Variants in ATF7IP observed in about 807,000 individuals in gnomAD.
ATF7IP encodes the protein activating transcription factor 7 interacting protein.
Under a neutral mutation model 106.4 loss-of-function variants are expected in ATF7IP, and 23 were observed. The ratio of observed to expected loss-of-function variants is 0.22; its 90% CI spans 0.16 to 0.31. The LOEUF (loss-of-function observed/expected upper bound fraction) is 0.31, where lower values mean the gene tolerates loss of function less well. Ranked by LOEUF, ATF7IP falls within the 10% of genes least tolerant of loss-of-function variation. ATF7IP has a pLI of 1.00. For missense variants in ATF7IP, 1,334 were observed against 1,524.3 expected (o/e 0.88, Z 2.08); for synonymous variants, 542 against 539.0 (o/e 1.01, Z -0.08).
At chr12:14,486,789 T>C (rs1026666528) in intron 13 of ATF7IP, among the ~76,000 whole-genome samples, 4 of 152,148 alleles carry the variant, frequency 2.6e-5, no homozygotes, top group African/African-American at 9.7e-5. Flanking sequence ...AGGATCCAGT[T>C]ATTTCCATTG....
Position 14,481,066 on chromosome 12 carries a change from C to G in ATF7IP, c.3161C>G (p.Pro1054Arg). 6.2e-7 allele frequency: 1 copy of G among 1,614,018 alleles called. No homozygotes were observed. Among genetic ancestry groups the G allele is most frequent in the Non-Finnish European group, 8.5e-7 (1 of 1,179,968 alleles). ...VTQVTTRLPVPRAPANHQVVY... is the reference protein window; with the variant it reads ...VTQVTTRLPVRRAPANHQVVY... ...CAGGTGACCACAAGACTCCCTGTAC[C>G]AAGAGCTCCTGCAAACCACCAGGTG... Residue 1054 changes from proline to arginine, a missense_variant, in exon 13 of 15, where the codon CCA (proline) becomes CGA (arginine). Transcript: ENST00000261168.
intron 2 of ATF7IP, among the ~76,000 whole-genome samples, chr12:14,430,542 A>G (rs1942064693): frequency 1.3e-5 from 2 of 152,216 alleles, no homozygotes; most frequent in African/African-American, 4.8e-5. Context: ...ATTACCAGTC[A>G]TGCCTTATTT....
rs1938333759 is a variant in ATF7IP at position 14,367,086 on chromosome 12, G to A, written c.-8+1259G>A. 1.3e-5 allele frequency among the ~76,000 whole-genome samples: 2 copies of A among 152,108 alleles called. 1 individual carries two copies. The highest frequency in any genetic ancestry group is 3.8e-4 in the East Asian group (2 of 5,196). On this transcript the variant is annotated intron_variant, in intron 1 of 14. Transcript: ENST00000261168. Reference sequence around the variant, plus strand: ...CGTTGTGCAAATTCTTTCTTACTAAGCAAAGAAACTTGCAAATGTTTTCCA... The same window carrying A: ...CGTTGTGCAAATTCTTTCTTACTAAACAAAGAAACTTGCAAATGTTTTCCA...
At chr12:14,475,769 T>A (rs1043663931) in intron 10 of ATF7IP, 121 bp from the exon 11 acceptor site, 45 of 657,062 alleles carry the variant, frequency 6.8e-5, no homozygotes, top group Non-Finnish European at 8.0e-5. Context: ...TACAGCCATT[T>A]AAGGGTCCAG....
intron 2 of ATF7IP, among the ~76,000 whole-genome samples, chr12:14,430,729 A>C (rs1942073741): frequency 6.6e-6 from 1 of 152,222 alleles, no homozygotes; most frequent in South Asian, 2.1e-4. Context: ...CAGTAATCTA[A>C]ATCAGTGAAT....
chr12:14,457,011 A>AGTTAAGG, intron 7 of ATF7IP, among the ~76,000 whole-genome samples, 196 bp from the exon 8 acceptor site: 1 of 152,322 alleles, frequency 6.6e-6, no homozygotes, highest in East Asian at 1.9e-4. Context: ...AAGAGTTAAG[A>AGTTAAGG]GTTAATGCCA....
chr12:14,385,897 T>TC (rs1939214509), intron 1 of ATF7IP, among the ~76,000 whole-genome samples: 2 of 152,078 alleles, frequency 1.3e-5, no homozygotes, highest in Non-Finnish European at 2.9e-5. Flanking sequence ...CTGTCCAAAA[T>TC]CTTTTTTTTT....
rs1291327036 is a variant in ATF7IP at position 14,500,071 on chromosome 12, G to A, written c.*1998G>A. 1 of 152,136 alleles carries A rather than the reference G, an allele frequency of 6.6e-6. No homozygotes were observed. Among genetic ancestry groups the A allele is most frequent in the African/African-American group, 2.4e-5 (1 of 41,420 alleles). 9.4% of individuals were successfully genotyped at this position (152,136 alleles called of 1,614,324 possible). On this transcript the variant is annotated 3_prime_UTR_variant, in exon 15 of 15. Transcript: ENST00000261168. ...TGAGAATATTTTGAAAGGAATTTATGGAGTTTGTGAAATAACTTCGAAGTC... is the reference window on the plus strand; with the variant it reads ...TGAGAATATTTTGAAAGGAATTTATAGAGTTTGTGAAATAACTTCGAAGTC...
At position 14,393,388 on chromosome 12, in the gene ATF7IP, C is replaced by G. The variant is rs748386429; in HGVS notation, c.-8+27561C>G. 2.6e-4 allele frequency among the ~76,000 whole-genome samples: 40 copies of G among 152,146 alleles called. No homozygotes were observed. In the Middle Eastern group the frequency reaches 0.01, roughly 39 times the overall value. On this transcript the variant is annotated intron_variant, in intron 1 of 14. Transcript: ENST00000261168. ...TTTGATATAAGATCTTTCCTCCAAC[C>G]AAGAGTTAATTTATGCATGAAATTG...
chr12:14,463,778 A>C (rs1479351108), intron 9 of ATF7IP, among the ~76,000 whole-genome samples: 1 of 152,204 alleles, frequency 6.6e-6, no homozygotes, highest in Non-Finnish European at 1.5e-5. Context: ...TGGTGGTATG[A>C]AAAAGATTTA....
At chr12:14,446,598 T>C (rs1180713274) in intron 5 of ATF7IP, among the ~76,000 whole-genome samples, 3 of 152,242 alleles carry the variant, frequency 2.0e-5, no homozygotes, top group Non-Finnish European at 4.4e-5. Context: ...GCAAGGGATC[T>C]TTTATGACTT....
Position 14,461,085 on chromosome 12 carries a change from A to G in ATF7IP, c.2749A>G (p.Ser917Gly), listed in dbSNP as rs762398569. 10 of 1,614,094 alleles carry G rather than the reference A, an allele frequency of 6.2e-6. No individual in the cohort carries two copies. Among genetic ancestry groups the G allele is most frequent in the African/African-American group, 1.3e-5 (1 of 74,948 alleles). Residue 917 changes from serine to glycine, a missense_variant, in exon 9 of 15, where the codon AGT becomes GGT. Physicochemically the swap from Ser to Gly is moderately conservative, Grantham distance 56 (BLOSUM62 0). Transcript: ENST00000261168. The part of the protein sequence containing the change: ...IQMKIPISAF[S>G]TSSAAEQNSN... Reference sequence around the variant, plus strand: ...GATGAAAATTCCAATTTCTGCATTTAGTACTTCGTCTGCTGCAGAACAGAA... The same window carrying G: ...GATGAAAATTCCAATTTCTGCATTTGGTACTTCGTCTGCTGCAGAACAGAA...
At chr12:14,416,018 GA>G (rs1941186862) in intron 1 of ATF7IP, among the ~76,000 whole-genome samples, 1 of 152,126 alleles carries the variant, frequency 6.6e-6, no homozygotes, top group African/African-American at 2.4e-5. Context: ...AATTTGAGCA[GA>G]TAAGTATCAA....
intron 13 of ATF7IP, among the ~76,000 whole-genome samples, chr12:14,488,079 C>T (rs983708580): frequency 6.6e-6 from 1 of 151,866 alleles, no homozygotes; most frequent in African/African-American, 2.4e-5. Flanking sequence ...CTCCAGAAAC[C>T]CCAAAATCAA....
In ATF7IP at chr12:14,424,564, G is replaced by T; in HGVS notation, c.649G>T (p.Val217Phe). The T allele has an allele frequency of 1.2e-6, 2 of 1,614,134 alleles. No homozygotes were observed. Among genetic ancestry groups the T allele is most frequent in the Non-Finnish European group, 1.7e-6 (2 of 1,180,032 alleles). ...SDPIPGEPVP[V>F]EPISGDCAAD... is the part of the protein sequence containing the mutation. ...TCCCATCCCAGGTGAACCGGTCCCTGTTGAACCCATTTCTGGTGATTGTGC... is the reference window on the plus strand; with the variant it reads ...TCCCATCCCAGGTGAACCGGTCCCTTTTGAACCCATTTCTGGTGATTGTGC... The change falls in exon 2 of 15, where the codon GTT (valine) becomes TTT (phenylalanine). Residue 217 changes from valine to phenylalanine, a missense_variant. By Grantham distance (50) the Val-to-Phe change is conservative (BLOSUM62 -1). This residue lies in a region of ATF7IP where 438 missense variants were observed against 405.3 expected (regional missense o/e 1.08). Transcript: ENST00000261168.
intron 5 of ATF7IP, among the ~76,000 whole-genome samples, chr12:14,441,435 C>CT (rs1290242446): frequency 1.4e-5 from 2 of 141,280 alleles, no homozygotes; most frequent in Non-Finnish European, 3.1e-5. Context: ...GGATTTTTTG[C>CT]TTTTTTGTTG....
chr12:14,471,011 G>A (rs1361347161), intron 10 of ATF7IP, among the ~76,000 whole-genome samples: 1 of 152,048 alleles, frequency 6.6e-6, no homozygotes, highest in Non-Finnish European at 1.5e-5. Flanking sequence ...TTTATTTCAT[G>A]TAGTTCCTTG....
chr12:14,430,544 G>T (rs1157869855), intron 2 of ATF7IP, among the ~76,000 whole-genome samples: 1 of 152,158 alleles, frequency 6.6e-6, no homozygotes, highest in African/African-American at 2.4e-5. Flanking sequence ...TACCAGTCAT[G>T]CCTTATTTTT....
At chr12:14,396,917 T>G (rs2136450780) in intron 1 of ATF7IP, among the ~76,000 whole-genome samples, 1 of 152,202 alleles carries the variant, frequency 6.6e-6, no homozygotes, top group African/African-American at 2.4e-5. Flanking sequence ...TCCCAGCACT[T>G]TGGGAGGCCG....
Sources: gnomAD v4.1 joint callset for allele counts (sites outside exome capture counted in the v4.1 genomes callset) on GRCh38, gnomAD v4.1.1 for gene constraint, gnomAD v4.1.1 regional missense constraint, MANE v1.5 for transcripts, NCBI Gene and HGNC (gene_info 2026-07-23, HGNC 2026-07-21) for gene names.